Variants in SLC22A9 observed in about 807,000 individuals in gnomAD.
SLC22A9 encodes the protein organic anion transporter 7.
Under a neutral mutation model 50.1 loss-of-function variants are expected in SLC22A9, and 64 were observed. The ratio of observed to expected loss-of-function variants is 1.28; its 90% CI spans 1.04 to 1.57. SLC22A9 has a LOEUF of 1.57. SLC22A9 is among the 40% of genes most tolerant of loss of function. The pLI is 0.00. For synonymous variants in SLC22A9, 261 were observed against 242.5 expected (o/e 1.08, Z -0.71); for missense variants, 757 against 676.1 (o/e 1.12, Z -1.33).
Position 63,397,171 on chromosome 11 carries a change from A to G in SLC22A9, c.1074-9326A>G, listed in dbSNP as rs186048927. On this transcript the variant is annotated intron_variant, in intron 6 of 9. Transcript: ENST00000279178. ...ATGGTCATGGATAACATCCAGAAGAATTATCTGGATTACCAGGCAGATACT... is the reference window on the plus strand; with the variant it reads ...ATGGTCATGGATAACATCCAGAAGAGTTATCTGGATTACCAGGCAGATACT... Among the ~76,000 whole-genome samples, 17 of 152,346 alleles carry G rather than the reference A, an allele frequency of 1.1e-4. 1 individual carries two copies. The East Asian group carries it at 3.3e-3, about 29-fold the overall frequency.
Position 63,370,053 on chromosome 11 carries a change from C to G in SLC22A9, c.-4C>G. 6.2e-7 allele frequency: 1 copy of G among 1,607,374 alleles called. No individual in the cohort carries two copies. The highest frequency in any genetic ancestry group is 8.5e-7 in the Non-Finnish European group (1 of 1,176,540). On this transcript the variant is annotated 5_prime_UTR_variant, in exon 1 of 10. Coordinates refer to ENST00000279178, the MANE Select transcript of SLC22A9 (RefSeq NM_080866.3). ...TCTACTTGAGGATCAACTGTTCAAC[C>G]TCAATGGCCTTTCAGGACCTCCTGG...
chr11:63,399,049 G>A (rs908208425), intron 6 of SLC22A9, among the ~76,000 whole-genome samples: 1 of 152,036 alleles, frequency 6.6e-6, no homozygotes, highest in Non-Finnish European at 1.5e-5. Context: ...AAAGCAAATA[G>A]TCTCTAATAG....
chr11:63,381,539 C>T (rs916730663), intron 5 of SLC22A9, among the ~76,000 whole-genome samples: 1 of 152,076 alleles, frequency 6.6e-6, no homozygotes, highest in Non-Finnish European at 1.5e-5. Context: ...ATGGCATTCT[C>T]CCACACTCAC....
chr11:63,373,903 G>A lies in SLC22A9; in HGVS notation c.671G>A (p.Trp224Ter). The change falls in exon 4 of 10, where the codon TGG becomes TAG. Residue 224 changes from tryptophan to a stop codon, truncating the protein, a stop_gained. Coordinates refer to ENST00000279178, the MANE Select transcript of SLC22A9 (RefSeq NM_080866.3). LOFTEE classifies it high-confidence loss of function. ...CTGTTTTTTCTTCCAGTAGCCGAGT[G>A]GGCAACACACAGATTCCAGGCCATG... is the stretch of plus-strand genomic sequence containing the variant. ...ITNTIMLIAE[W>*]ATHRFQAMGI... is the part of the protein sequence containing the mutation. The A allele has an allele frequency of 2.5e-6, 4 of 1,613,216 alleles. No homozygotes were observed. The highest frequency in any genetic ancestry group is 3.4e-6 in the Non-Finnish European group (4 of 1,179,578).
chr11:63,408,837 G>A lies in SLC22A9; in HGVS notation c.1559G>A (p.Arg520Lys). The A allele has an allele frequency of 6.2e-7, 1 of 1,613,902 alleles. No individual in the cohort carries two copies. Among genetic ancestry groups the A allele is most frequent in the Non-Finnish European group, 8.5e-7 (1 of 1,179,904 alleles). ...GCTTTCCTCCTCCTTCCTGAAACCA[G>A]GAACAAGCCTCTGTTTGACACCATC... is the stretch of plus-strand genomic sequence containing the variant. ...GFAFLLLPET[R>K]NKPLFDTIQD... Residue 520 changes from arginine (R) to lysine (K), a missense_variant, in exon 9 of 10, where the codon AGG (arginine) becomes AAG (lysine). Physicochemically the swap from Arg to Lys is conservative, Grantham distance 26. Transcript: ENST00000279178.
rs1248027857 is a variant in SLC22A9 at position 63,400,146 on chromosome 11, C to T, written c.1074-6351C>T. Among the ~76,000 whole-genome samples the T allele has an allele frequency of 2.6e-5, 4 of 151,732 alleles. No individual in the cohort carries two copies. In the South Asian group the frequency reaches 8.3e-4, roughly 32 times the overall value. ...TAGAAATGCAACAACAAATGAAACC[C>T]AAAATTAGCAGCAGGAAAGAAATAA... On this transcript the variant is annotated intron_variant, in intron 6 of 9. Transcript: ENST00000279178.
At chr11:63,371,077 T>G in intron 1 of SLC22A9, 58 bp from the exon 2 acceptor site, 1 of 1,301,976 alleles carries the variant, frequency 7.7e-7, no homozygotes, top group Non-Finnish European at 1.1e-6. Flanking sequence ...TAAGAAGTTT[T>G]GATCAAGTTA....
chr11:63,374,327 C>A (rs2014423473), intron 4 of SLC22A9, among the ~76,000 whole-genome samples: 1 of 152,080 alleles, frequency 6.6e-6, no homozygotes, highest in Non-Finnish European at 1.5e-5. Flanking sequence ...ATAATTTACT[C>A]AAGATCATTT....
chr11:63,395,006 TTTC>T (rs1443728069), intron 6 of SLC22A9, among the ~76,000 whole-genome samples: 7 of 152,022 alleles, frequency 4.6e-5, no homozygotes, highest in African/African-American at 1.7e-4. Context: ...TCTGAATTTC[TTTC>T]TTCTGCTTGT....
chr11:63,402,192 T>C (rs1229654825), intron 6 of SLC22A9, among the ~76,000 whole-genome samples: 1 of 152,104 alleles, frequency 6.6e-6, no homozygotes, highest in East Asian at 1.9e-4. Context: ...TTGCCAGGGC[T>C]GATGTTCAGC....
chr11:63,404,873 C>T (rs557116543), intron 6 of SLC22A9, among the ~76,000 whole-genome samples: 2 of 152,070 alleles, frequency 1.3e-5, no homozygotes, highest in Non-Finnish European at 2.9e-5. Flanking sequence ...CCTGAAACAG[C>T]CCCTAGTTTT....
chr11:63,378,816 G>A (rs2014509921), intron 5 of SLC22A9, among the ~76,000 whole-genome samples: 1 of 151,664 alleles, frequency 6.6e-6, no homozygotes, highest in South Asian at 2.1e-4. Context: ...TAGCTAGGGA[G>A]GCAAGAGTTC....
intron 6 of SLC22A9, among the ~76,000 whole-genome samples, chr11:63,393,062 G>A (rs902601556): frequency 6.6e-6 from 1 of 152,074 alleles, no homozygotes; most frequent in South Asian, 2.1e-4. Flanking sequence ...CATTGAATTT[G>A]TAGATTGCTT....
At chr11:63,375,032 T>G (rs1197383666) in intron 4 of SLC22A9, among the ~76,000 whole-genome samples, 1 of 152,126 alleles carries the variant, frequency 6.6e-6, no homozygotes, top group South Asian at 2.1e-4. Flanking sequence ...GATTACAGAT[T>G]TAATACAGAG....
intron 7 of SLC22A9, among the ~76,000 whole-genome samples, chr11:63,407,764 G>A (rs2015064932): frequency 6.6e-6 from 1 of 152,112 alleles, no homozygotes; most frequent in Admixed American, 6.6e-5. Context: ...TTGCCCACAT[G>A]ACAGTCCTAT....
At chr11:63,393,030 G>C (rs78959042) in intron 6 of SLC22A9, among the ~76,000 whole-genome samples, 7 of 151,920 alleles carry the variant, frequency 4.6e-5, no homozygotes, top group African/African-American at 1.5e-4. Flanking sequence ...GAAAAATGAT[G>C]GTTTTATTTT....
intron 6 of SLC22A9, among the ~76,000 whole-genome samples, chr11:63,386,872 G>GT (rs2014679297): frequency 6.7e-6 from 1 of 149,850 alleles, no homozygotes; most frequent in Admixed American, 6.6e-5. Context: ...TTTGTTTTTT[G>GT]TTTTTTGTAT....
intron 6 of SLC22A9, among the ~76,000 whole-genome samples, chr11:63,393,081 A>G (rs999731238): frequency 3.9e-5 from 6 of 152,144 alleles, no homozygotes; most frequent in African/African-American, 1.4e-4. Context: ...TTTTGGCAGT[A>G]TGGTCATTTT....
Position 63,370,216 on chromosome 11 carries a change from C to T in SLC22A9, c.160C>T (p.Leu54=), listed in dbSNP as rs891203809. Residue 54 remains leucine (L), a synonymous_variant, in exon 1 of 10, where the codon CTG becomes TTG. Transcript: ENST00000279178. The stretch of plus-strand genomic sequence containing the variant: ...TGGCCATCGCTGCTGGGTCCACATC[C>T]TGGACAATGACACTGTCTCTGACAA... ...IPGHRCWVHI[L]DNDTVSDNDT... 1 of 1,614,064 alleles carries T rather than the reference C, an allele frequency of 6.2e-7. No individual in the cohort carries two copies. The highest frequency in any genetic ancestry group is 8.5e-7 in the Non-Finnish European group (1 of 1,179,940).
Sources: gnomAD v4.1 joint callset for allele counts (sites outside exome capture counted in the v4.1 genomes callset) on GRCh38, gnomAD v4.1.1 for gene constraint, MANE v1.5 for transcripts, NCBI Gene and HGNC (gene_info 2026-07-23, HGNC 2026-07-21) for gene names.